ICA1: variants seen among roughly 807,000 people sequenced by gnomAD.
ICA1 encodes the protein 69 kDa islet cell autoantigen.
ICA1 carries 40 observed loss-of-function variants against 71.0 expected under a neutral mutation model. The ratio of observed to expected loss-of-function variants is 0.56; its 90% confidence interval spans 0.44 to 0.73. The LOEUF is 0.73. Ranked by LOEUF, ICA1 falls within the 30% of genes least tolerant of loss-of-function variation. The pLI is 0.00. For missense variants in ICA1, 578 were observed against 576.5 expected, an observed-to-expected ratio of 1.00 and a Z score of -0.03; for synonymous variants, 207 against 209.5, an observed-to-expected ratio of 0.99 and a Z score of 0.10.
chr7:8,250,694 G>T (rs1042229937), intron 1 of ICA1, among the ~76,000 whole-genome samples: 1 of 152,034 alleles, frequency 6.6e-6, no homozygotes, highest in African/African-American at 2.4e-5. Flanking sequence ...AATGATTTTT[G>T]ATATTTCATA....
chr7:8,170,097 C>T (rs1369855976), intron 6 of ICA1, among the ~76,000 whole-genome samples: 7 of 151,914 alleles, frequency 4.6e-5, no homozygotes. Context: ...TTTTGTTTTT[C>T]CTCAATACGG....
intron 13 of ICA1, among the ~76,000 whole-genome samples, chr7:8,118,391 T>C (rs1785466737): frequency 6.6e-6 from 1 of 152,212 alleles, no homozygotes; most frequent in Non-Finnish European, 1.5e-5. Flanking sequence ...TCTGGGACCG[T>C]GGAAATGTTC....
At chr7:8,210,173 C>G (rs78265586) in intron 6 of ICA1, among the ~76,000 whole-genome samples, 2,173 of 152,234 alleles carry the variant, frequency 0.014, 63 homozygotes, top group African/African-American at 0.05. Flanking sequence ...AAGATCCTAG[C>G]TCAGATAAGA....
intron 8 of ICA1, among the ~76,000 whole-genome samples, chr7:8,149,397 T>A (rs1287406424): frequency 6.6e-6 from 1 of 152,250 alleles, no homozygotes. Flanking sequence ...AACATGCTAA[T>A]GATTTCCATC....
intron 13 of ICA1, among the ~76,000 whole-genome samples, chr7:8,122,603 C>G (rs1242082402): frequency 2.6e-5 from 4 of 152,246 alleles, no homozygotes; most frequent in Non-Finnish European, 5.9e-5. Context: ...GGTCTTTTCC[C>G]TCACACGATT....
intron 4 of ICA1, among the ~76,000 whole-genome samples, chr7:8,227,257 G>C (rs758156758): frequency 6.6e-6 from 1 of 152,158 alleles, no homozygotes; most frequent in Non-Finnish European, 1.5e-5. Flanking sequence ...CAGACAATAG[G>C]CTAGAGAAAG....
intron 12 of ICA1, 80 bp from the exon 13 acceptor site, chr7:8,128,222 G>T: frequency 7.0e-7 from 1 of 1,429,146 alleles, no homozygotes; most frequent in Non-Finnish European, 9.5e-7. Context: ...GGCTGCGAAG[G>T]GGGAGACTGG....
chr7:8,133,179 T>C (rs1792114351), intron 12 of ICA1, among the ~76,000 whole-genome samples: 1 of 152,196 alleles, frequency 6.6e-6, no homozygotes. Flanking sequence ...CCCCTCACTA[T>C]GTGATGCCCT....
intron 8 of ICA1, among the ~76,000 whole-genome samples, chr7:8,145,132 G>A (rs1253988841): frequency 6.6e-6 from 1 of 152,126 alleles, no homozygotes; most frequent in African/African-American, 2.4e-5. Flanking sequence ...AAACACCCAC[G>A]TCATCATGTT....
chr7:8,217,892 A>G (rs1488185088), intron 6 of ICA1, among the ~76,000 whole-genome samples: 5 of 152,196 alleles, frequency 3.3e-5, no homozygotes, highest in African/African-American at 9.6e-5. Flanking sequence ...ATATCGCAAA[A>G]CAAAGGAGCA....
In ICA1 at chr7:8,184,419, G is replaced by C. The variant is rs376093901; in HGVS notation, c.580-25767C>G. Among the ~76,000 whole-genome samples, 22 of 152,322 alleles carry C rather than the reference G, an allele frequency of 1.4e-4. No homozygotes were observed. The East Asian group carries it at 1.5e-3, about 11-fold the overall frequency. On this transcript the variant is annotated intron_variant, in intron 6 of 13. Coordinates refer to ENST00000402384, the MANE Select transcript of ICA1 (RefSeq NM_001136020.3). ...TGTGCTCAACAGTGAAAGGGCTACT[G>C]TCTTTACTTTGAAATAACAGCTGAA...
intron 1 of ICA1, 45 bp from the exon 2 acceptor site, chr7:8,236,050 G>T: frequency 9.9e-7 from 1 of 1,011,126 alleles, no homozygotes; most frequent in Non-Finnish European, 1.5e-6. Context: ...CCATATTATA[G>T]TTACATATTA....
In ICA1 at chr7:8,114,124, G is replaced by A; in HGVS notation, c.1331-80C>T. On this transcript the variant is annotated intron_variant, in intron 13 of 13. Coordinates refer to ENST00000402384, the MANE Select transcript of ICA1 (RefSeq NM_001136020.3). The stretch of plus-strand genomic sequence containing the variant: ...CCATGCGGGATGCAGGCAGGTCCAG[G>A]TCATCTTCAAATGCAGATTGTTCAA... 4 of 1,477,370 alleles carry A rather than the reference G, an allele frequency of 2.7e-6. No homozygotes were observed. The Admixed American group carries it at 5.1e-5, about 19-fold the overall frequency. The allele number at this position is 1,477,370 out of a possible 1,614,324, so 91.5% of individuals were successfully genotyped here.
chr7:8,166,839 A>C (rs1806170979), intron 6 of ICA1, among the ~76,000 whole-genome samples: 1 of 152,194 alleles, frequency 6.6e-6, no homozygotes, highest in African/African-American at 2.4e-5. Flanking sequence ...CCATAAACAG[A>C]CACTATTCAA....
intron 1 of ICA1, among the ~76,000 whole-genome samples, chr7:8,260,466 AG>A (rs1262653305): frequency 2.6e-5 from 4 of 152,198 alleles, no homozygotes; most frequent in African/African-American, 9.7e-5. Flanking sequence ...TGGAGGATAC[AG>A]GGTTAACGTT....
chr7:8,153,836 AATATAT>A (rs33924786), intron 8 of ICA1, among the ~76,000 whole-genome samples: 6 of 137,168 alleles, frequency 4.4e-5, no homozygotes, highest in Non-Finnish European at 9.5e-5. Flanking sequence ...ACTCATGCAG[AATATAT>A]ATATATATAT....
chr7:8,132,717 C>T lies in ICA1; in HGVS notation c.1061-4575G>A, dbSNP rs551941148. On this transcript the variant is annotated intron_variant, in intron 12 of 13. Coordinates refer to ENST00000402384, the MANE Select transcript of ICA1 (RefSeq NM_001136020.3). The surrounding 1 kb of genome is among the most constrained non-coding windows in gnomAD (Gnocchi z 4.5). ...CCTATTCTGGCTGCCCTTAAGGTTT[C>T]ATCCCAAACCATCATACCTTCCCTA... Among the ~76,000 whole-genome samples, 3 of 152,182 alleles carry T rather than the reference C, an allele frequency of 2.0e-5. No individual in the cohort carries two copies. Among genetic ancestry groups the T allele is most frequent in the Non-Finnish European group, 4.4e-5 (3 of 68,026 alleles).
intron 1 of ICA1, among the ~76,000 whole-genome samples, chr7:8,246,612 T>C (rs1195202460): frequency 1.3e-5 from 2 of 152,196 alleles, no homozygotes; most frequent in African/African-American, 4.8e-5. Flanking sequence ...ATTAAAACCA[T>C]AGTTGTTCTC....
At chr7:8,125,755 G>A (rs529818039) in intron 13 of ICA1, among the ~76,000 whole-genome samples, 1 of 152,320 alleles carries the variant, frequency 6.6e-6, no homozygotes, top group African/African-American at 2.4e-5. Context: ...TTGACTGAAT[G>A]AGAGACTTGC....
Sources: gnomAD v4.1 joint callset for allele counts (sites outside exome capture counted in the v4.1 genomes callset) on GRCh38, gnomAD v4.1.1 for gene constraint, Gnocchi (gnomAD v3.1) non-coding constraint, MANE v1.5 for transcripts, NCBI Gene and HGNC (gene_info 2026-07-23, HGNC 2026-07-21) for gene names.